The following L3MBTL4 variants were observed in gnomAD, a reference collection of about 807,000 sequenced individuals.
L3MBTL4 encodes L3MBTL histone methyl-lysine binding protein 4.
Under a neutral mutation model 84.5 loss-of-function variants are expected in L3MBTL4, and 70 were observed. The ratio of observed to expected loss-of-function variants is 0.83; its 90% CI spans 0.68 to 1.01. The LOEUF is 1.01. Ranked by LOEUF, L3MBTL4 falls within the 50% of genes least tolerant of loss-of-function variation. L3MBTL4 has a pLI of 0.00. For missense variants in L3MBTL4, 715 were observed against 754.8 expected, an observed-to-expected ratio of 0.95 and a Z score of 0.62; for synonymous variants, 274 against 259.8, an observed-to-expected ratio of 1.05 and a Z score of -0.52.
At chr18:6,157,192 G>A (rs556672926) in intron 13 of L3MBTL4, among the ~76,000 whole-genome samples, 1 of 152,118 alleles carries the variant, frequency 6.6e-6, no homozygotes, top group African/African-American at 2.4e-5. Context: ...TGAGTACTTA[G>A]GGACTCTTAA....
At chr18:6,027,631 G>A (rs989313916) in intron 16 of L3MBTL4, among the ~76,000 whole-genome samples, 7 of 152,154 alleles carry the variant, frequency 4.6e-5, no homozygotes, top group African/African-American at 1.7e-4. Flanking sequence ...CACAACGGTT[G>A]AACTAATTCA....
chr18:6,133,481 C>T (rs1179506113), intron 14 of L3MBTL4, among the ~76,000 whole-genome samples: 1 of 152,154 alleles, frequency 6.6e-6, no homozygotes, highest in Admixed American at 6.5e-5. Flanking sequence ...GGGCACCCTC[C>T]TAATCATGGG....
At chr18:6,411,362 T>C (rs956753259) in intron 1 of L3MBTL4, among the ~76,000 whole-genome samples, 1 of 152,194 alleles carries the variant, frequency 6.6e-6, no homozygotes, top group East Asian at 1.9e-4. Context: ...AAGATGGAAA[T>C]GTTTTGTAAA....
At chr18:6,003,557 C>G (rs183659395) in intron 16 of L3MBTL4, among the ~76,000 whole-genome samples, 1 of 151,978 alleles carries the variant, frequency 6.6e-6, no homozygotes, top group East Asian at 1.9e-4. Flanking sequence ...CCAATGAGAG[C>G]TAACAGGCAT....
intron 15 of L3MBTL4, among the ~76,000 whole-genome samples, chr18:6,092,972 A>G (rs543430454): frequency 6.6e-5 from 10 of 152,326 alleles, no homozygotes; most frequent in Non-Finnish European, 1.5e-4. Context: ...CGAAATCTTG[A>G]TATGACTAAG....
chr18:6,234,771 G>C lies in L3MBTL4; in HGVS notation c.784+3193C>G, dbSNP rs1361715275. ...GAAGACAGTGTGGCGATTCCTCAAGGATCTAGAACTAGAAATACCATTTGA... is the reference window on the plus strand; with the variant it reads ...GAAGACAGTGTGGCGATTCCTCAAGCATCTAGAACTAGAAATACCATTTGA... On this transcript the variant is annotated intron_variant, in intron 10 of 18. Coordinates refer to ENST00000317931, the MANE Select transcript of L3MBTL4 (RefSeq NM_001330559.2). 2.0e-5 allele frequency among the ~76,000 whole-genome samples: 3 copies of C among 152,138 alleles called. No homozygotes were observed. The South Asian group carries it at 6.2e-4, about 32-fold the overall frequency.
chr18:6,198,546 G>A (rs761241815), intron 12 of L3MBTL4, among the ~76,000 whole-genome samples: 11 of 151,340 alleles, frequency 7.3e-5, no homozygotes. Context: ...TTTCTAGTGT[G>A]TATTTTTCTT....
At chr18:6,002,450 C>A (rs191416947) in intron 16 of L3MBTL4, among the ~76,000 whole-genome samples, 1 of 152,194 alleles carries the variant, frequency 6.6e-6, no homozygotes, top group Admixed American at 6.5e-5. Flanking sequence ...TTATTTTCTA[C>A]ATCATTTAAA....
At chr18:6,168,253 A>C (rs949753430) in intron 13 of L3MBTL4, among the ~76,000 whole-genome samples, 6 of 152,154 alleles carry the variant, frequency 3.9e-5, no homozygotes, top group South Asian at 2.1e-4. Flanking sequence ...CATACTGCCC[A>C]AGGTAATTTA....
chr18:6,340,956 C>T (rs2052579203), intron 1 of L3MBTL4, among the ~76,000 whole-genome samples: 1 of 152,136 alleles, frequency 6.6e-6, no homozygotes, highest in Admixed American at 6.5e-5. Context: ...GGCCCTCATT[C>T]CAGGCCTGGC....
intron 16 of L3MBTL4, among the ~76,000 whole-genome samples, chr18:6,005,464 T>C (rs1320407723): frequency 6.6e-6 from 1 of 152,148 alleles, no homozygotes; most frequent in Admixed American, 6.5e-5. Flanking sequence ...ACCTGATAAG[T>C]AGTTTTTAGA....
chr18:6,239,668 A>G, intron 9 of L3MBTL4, 50 bp downstream of exon 9: 2 of 1,574,568 alleles, frequency 1.3e-6, no homozygotes, highest in Non-Finnish European at 1.7e-6. Context: ...ACAAATTCTT[A>G]ACATCAAACA....
chr18:5,991,720 A>C (rs2053708578), intron 16 of L3MBTL4, among the ~76,000 whole-genome samples: 1 of 152,174 alleles, frequency 6.6e-6, no homozygotes, highest in South Asian at 2.1e-4. Context: ...ATCAAATGTT[A>C]ATATATAAAG....
At chr18:6,192,904 A>G (rs1599089687) in intron 12 of L3MBTL4, among the ~76,000 whole-genome samples, 1 of 152,136 alleles carries the variant, frequency 6.6e-6, no homozygotes, top group African/African-American at 2.4e-5. Context: ...TCTATTGTAC[A>G]TGGAGTTCAT....
intron 13 of L3MBTL4, among the ~76,000 whole-genome samples, chr18:6,154,526 C>T (rs1462878719): frequency 6.6e-6 from 1 of 152,158 alleles, no homozygotes; most frequent in Non-Finnish European, 1.5e-5. Flanking sequence ...CTACTCTTCT[C>T]CTCAGTCTCA....
chr18:5,990,772 T>TGG (rs748341266), intron 16 of L3MBTL4, among the ~76,000 whole-genome samples: 1 of 77,070 alleles, frequency 1.3e-5, no homozygotes, highest in African/African-American at 4.5e-5. Context: ...TTCATGTGGG[T>TGG]GTGTGTGTGT....
intron 12 of L3MBTL4, among the ~76,000 whole-genome samples, chr18:6,203,417 T>C (rs1025554096): frequency 1.3e-5 from 2 of 152,186 alleles, no homozygotes; most frequent in Non-Finnish European, 2.9e-5. Context: ...TAGGGTGTAA[T>C]TGGCTCATAA....
intron 4 of L3MBTL4, among the ~76,000 whole-genome samples, chr18:6,283,177 T>G (rs969660003): frequency 6.6e-6 from 1 of 152,226 alleles, no homozygotes; most frequent in African/African-American, 2.4e-5. Context: ...TTAAATCTGT[T>G]CAACTTACTA....
At chr18:6,206,057 G>A (rs1004539823) in intron 12 of L3MBTL4, among the ~76,000 whole-genome samples, 19 of 152,218 alleles carry the variant, frequency 1.2e-4, no homozygotes, top group Admixed American at 1.2e-3. Context: ...CATTATCACA[G>A]CAGGTCAGAG....
Sources: gnomAD v4.1 joint callset for allele counts (sites outside exome capture counted in the v4.1 genomes callset) on GRCh38, gnomAD v4.1.1 for gene constraint, MANE v1.5 for transcripts, NCBI Gene and HGNC (gene_info 2026-07-23, HGNC 2026-07-21) for gene names.